The following TMEM132B variants were observed in gnomAD, a reference collection of about 807,000 sequenced individuals.
TMEM132B encodes the protein transmembrane protein 132B.
In TMEM132B, 18 loss-of-function variants were observed where a neutral mutation model predicts 90.8. The ratio of observed to expected loss-of-function variants is 0.20; its 90% CI spans 0.14 to 0.29. TMEM132B has a LOEUF of 0.29. TMEM132B is among the 10% of genes least tolerant of loss of function. The probability of loss-of-function intolerance (pLI) is 1.00; values close to 1 mark genes in which losing one functional copy is unlikely to be tolerated. For synonymous variants in TMEM132B, 504 were observed against 523.3 expected (o/e 0.96, Z 0.50); for missense variants, 1,096 against 1,326.8 (o/e 0.83, Z 2.70).
rs1477846071 is a variant in TMEM132B, at chr12:125,655,348, G to A, written c.*638G>A. The stretch of plus-strand genomic sequence containing the variant: ...TGTTATTTCCTGGGTCTCCATGCAG[G>A]ATGTCAGGTTTTTCCAGTTTTCTGC... On this transcript the variant is annotated 3_prime_UTR_variant, in exon 9 of 9. Coordinates refer to ENST00000682704, the MANE Select transcript of TMEM132B (RefSeq NM_001366854.1). 1.3e-5 allele frequency: 2 copies of A among 152,204 alleles called. No homozygotes were observed. Among genetic ancestry groups the A allele is most frequent in the Admixed American group, 6.5e-5 (1 of 15,276 alleles). 9.4% of individuals were successfully genotyped at this position (152,204 alleles called of 1,614,324 possible).
intron 5 of TMEM132B, among the ~76,000 whole-genome samples, chr12:125,641,087 G>A (rs764110024): frequency 6.6e-6 from 1 of 152,132 alleles, no homozygotes; most frequent in African/African-American, 2.4e-5. Flanking sequence ...TGGATCCAGC[G>A]CCCAAGCTGA....
intron 3 of TMEM132B, among the ~76,000 whole-genome samples, chr12:125,466,900 CAT>C (rs912681918): frequency 1.3e-5 from 2 of 152,232 alleles, no homozygotes; most frequent in African/African-American, 2.4e-5. Flanking sequence ...GGAGGACACA[CAT>C]GTGAACAAAC....
At chr12:125,340,296 G>T (rs1166666897) in intron 1 of TMEM132B, among the ~76,000 whole-genome samples, 1 of 152,090 alleles carries the variant, frequency 6.6e-6, no homozygotes, top group East Asian at 1.9e-4. Flanking sequence ...CTCAAACTGC[G>T]AAGTCAAATA....
chr12:125,251,052 A>G lies in TMEM132B; in HGVS notation c.67+64186A>G, dbSNP rs1874307607. Among the ~76,000 whole-genome samples the G allele has an allele frequency of 6.6e-6, 1 of 152,106 alleles. No homozygotes were observed. Among genetic ancestry groups the G allele is most frequent in the African/African-American group, 2.4e-5 (1 of 41,432 alleles). ...GAAGAGATCATTTCCGACTATTGCT[A>G]ATTTAACAATAAGTGGAAAAGCAGT... On this transcript the variant is annotated intron_variant, in intron 1 of 8. Coordinates refer to ENST00000682704, the MANE Select transcript of TMEM132B (RefSeq NM_001366854.1). This position sits in a 1 kb window ranked among gnomAD's most constrained non-coding sequence, Gnocchi z 4.4.
chr12:125,236,098 G>A (rs1213656953), intron 1 of TMEM132B, among the ~76,000 whole-genome samples: 1 of 151,298 alleles, frequency 6.6e-6, no homozygotes, highest in Non-Finnish European at 1.5e-5. Flanking sequence ...CCACTGTGCC[G>A]GACCAGCACT....
intron 1 of TMEM132B, among the ~76,000 whole-genome samples, chr12:125,282,542 A>C (rs1382751580): frequency 6.6e-6 from 1 of 152,080 alleles, no homozygotes; most frequent in Non-Finnish European, 1.5e-5. Context: ...TCCTTTCCTC[A>C]TGCCTATTGC....
At chr12:125,394,674 T>G (rs1381898783) in intron 2 of TMEM132B, among the ~76,000 whole-genome samples, 1 of 152,240 alleles carries the variant, frequency 6.6e-6, no homozygotes, top group Non-Finnish European at 1.5e-5. Context: ...AGAGATGATT[T>G]CAAGTATTCA....
intron 1 of TMEM132B, among the ~76,000 whole-genome samples, chr12:125,238,794 A>G (rs918167670): frequency 6.6e-6 from 1 of 152,172 alleles, no homozygotes; most frequent in African/African-American, 2.4e-5. Context: ...AAGTGTTGAG[A>G]ATGCTGAGAA....
At chr12:125,261,617 G>T (rs1341502832) in intron 1 of TMEM132B, among the ~76,000 whole-genome samples, 1 of 152,090 alleles carries the variant, frequency 6.6e-6, no homozygotes, top group Non-Finnish European at 1.5e-5. Flanking sequence ...AATTCAAATT[G>T]TCATTAGTAG....
At chr12:125,188,301 T>G (rs1957771539) in intron 1 of TMEM132B, among the ~76,000 whole-genome samples, 1 of 152,216 alleles carries the variant, frequency 6.6e-6, no homozygotes. Flanking sequence ...GGCATTCCTC[T>G]GCGGTCCACG....
At chr12:125,599,775 C>G (rs576107693) in intron 5 of TMEM132B, among the ~76,000 whole-genome samples, 1 of 152,184 alleles carries the variant, frequency 6.6e-6, no homozygotes, top group African/African-American at 2.4e-5. Flanking sequence ...GTTACCTGGG[C>G]CTTTTTTTCA....
intron 3 of TMEM132B, among the ~76,000 whole-genome samples, chr12:125,456,297 C>T (rs903674519): frequency 5.3e-5 from 8 of 152,220 alleles, no homozygotes; most frequent in Non-Finnish European, 1.2e-4. Flanking sequence ...AGCAGCTTTC[C>T]TGGGAAGATG....
chr12:125,523,653 G>A (rs1365082860), intron 4 of TMEM132B, among the ~76,000 whole-genome samples: 1 of 152,204 alleles, frequency 6.6e-6, no homozygotes, highest in African/African-American at 2.4e-5. Flanking sequence ...TCTAGTTGGA[G>A]CTTCCTCAAA....
At chr12:125,468,773 A>G (rs1354068995) in intron 3 of TMEM132B, among the ~76,000 whole-genome samples, 2 of 152,060 alleles carry the variant, frequency 1.3e-5, no homozygotes, top group Admixed American at 6.5e-5. Flanking sequence ...TATTTATTCA[A>G]TGGTTTTAAA....
chr12:125,302,411 T>G (rs1375824390), intron 1 of TMEM132B, among the ~76,000 whole-genome samples: 2 of 150,828 alleles, frequency 1.3e-5, no homozygotes, highest in African/African-American at 4.9e-5. Context: ...AACTGTCCAG[T>G]GAGCCCAGGT....
chr12:125,216,411 A>C (rs1256469799), intron 1 of TMEM132B, among the ~76,000 whole-genome samples: 1 of 152,174 alleles, frequency 6.6e-6, no homozygotes, highest in Non-Finnish European at 1.5e-5. Flanking sequence ...CCTGACCTTC[A>C]AATATAGTCA....
intron 2 of TMEM132B, among the ~76,000 whole-genome samples, chr12:125,369,329 C>T (rs1878226127): frequency 6.6e-6 from 1 of 152,144 alleles, no homozygotes; most frequent in South Asian, 2.1e-4. Flanking sequence ...CTGCAGTAAA[C>T]ATACATGTGC....
intron 5 of TMEM132B, among the ~76,000 whole-genome samples, chr12:125,609,240 A>T (rs1593019989): frequency 4.6e-5 from 7 of 152,264 alleles, no homozygotes; most frequent in Admixed American, 3.9e-4. Context: ...ACCATATCAG[A>T]CCAAAAATGT....
chr12:125,522,341 T>C lies in TMEM132B; in HGVS notation c.1293+2716T>C, dbSNP rs375487521. 1.0e-3 allele frequency among the ~76,000 whole-genome samples: 153 copies of C among 152,312 alleles called. 1 individual carries two copies. The highest frequency in any genetic ancestry group is 3.4e-3 in the African/African-American group (143 of 41,564). On this transcript the variant is annotated intron_variant, in intron 4 of 8. Transcript: ENST00000682704. ...AACACGGAAAGTTTAAAATAGAGAATTGTTAACTATCACAGAGGACTGGGA... is the reference window on the plus strand; with the variant it reads ...AACACGGAAAGTTTAAAATAGAGAACTGTTAACTATCACAGAGGACTGGGA...
Sources: allele counts gnomAD v4.1 joint callset (sites outside exome capture counted in the v4.1 genomes callset), GRCh38; gene constraint gnomAD v4.1.1; non-coding constraint Gnocchi (gnomAD v3.1); transcripts MANE v1.5; gene names NCBI Gene and HGNC (gene_info 2026-07-23, HGNC 2026-07-21).